The following EYA2 variants were observed in gnomAD, a reference collection of about 807,000 sequenced individuals.
EYA2 encodes the protein protein phosphatase EYA2.
EYA2 carries 31 observed loss-of-function variants against 69.2 expected under a neutral mutation model. The observed-to-expected ratio is 0.45, with a 90% confidence interval of 0.34 to 0.60. EYA2 has a LOEUF of 0.60. Among genes scored for constraint, EYA2 ranks in the 20% least tolerant of loss-of-function variants. EYA2 has a pLI of 0.02. For missense variants in EYA2, 622 were observed against 701.2 expected (o/e 0.89, Z 1.28); for synonymous variants, 257 against 279.4 (o/e 0.92, Z 0.80).
chr20:46,906,587 T>C (rs1034322915), intron 1 of EYA2, among the ~76,000 whole-genome samples: 3 of 152,336 alleles, frequency 2.0e-5, no homozygotes, highest in Admixed American at 6.5e-5. Context: ...TATGCCGGGA[T>C]ATGTTCCGAA....
chr20:46,951,636 C>T (rs1253265522), intron 1 of EYA2, among the ~76,000 whole-genome samples: 3 of 152,218 alleles, frequency 2.0e-5, no homozygotes, highest in East Asian at 1.9e-4. Context: ...AATAAAACCA[C>T]TCTCAGGCGT....
chr20:47,042,137 TC>T (rs1189839226), intron 5 of EYA2, among the ~76,000 whole-genome samples: 3 of 152,196 alleles, frequency 2.0e-5, no homozygotes, highest in African/African-American at 7.2e-5. Flanking sequence ...AATACTCAGT[TC>T]CAGGTGCTCC....
At chr20:46,964,578 G>T (rs1054049639) in intron 1 of EYA2, among the ~76,000 whole-genome samples, 5 of 152,198 alleles carry the variant, frequency 3.3e-5, no homozygotes, top group African/African-American at 4.8e-5. Context: ...TGTGACGCAG[G>T]TATCCCAGGC....
intron 1 of EYA2, among the ~76,000 whole-genome samples, chr20:46,987,008 C>A (rs1255829648): frequency 6.6e-6 from 1 of 152,114 alleles, no homozygotes. Context: ...GAGATAAGGG[C>A]TTTCTTATTT....
At chr20:47,065,686 G>A (rs1310978286) in intron 5 of EYA2, among the ~76,000 whole-genome samples, 1 of 152,058 alleles carries the variant, frequency 6.6e-6, no homozygotes, top group Admixed American at 6.6e-5. Context: ...TGCTCTGGAG[G>A]TTTAAATTTC....
intron 9 of EYA2, among the ~76,000 whole-genome samples, chr20:47,136,851 T>C (rs1289262080): frequency 6.6e-6 from 1 of 152,080 alleles, no homozygotes; most frequent in Non-Finnish European, 1.5e-5. Context: ...TCGAAACCTC[T>C]TCACCAGCCT....
chr20:47,139,272 A>G (rs1024848594), intron 9 of EYA2, among the ~76,000 whole-genome samples: 37 of 152,216 alleles, frequency 2.4e-4, no homozygotes, highest in Admixed American at 3.9e-4. Context: ...TTAAATTGTT[A>G]ATCCAAGAAA....
At chr20:47,009,389 C>A (rs1400177382) in intron 4 of EYA2, among the ~76,000 whole-genome samples, 1 of 152,150 alleles carries the variant, frequency 6.6e-6, no homozygotes, top group Non-Finnish European at 1.5e-5. Context: ...TGTTTAAATA[C>A]CTGCAGGAAA....
intron 7 of EYA2, among the ~76,000 whole-genome samples, chr20:47,084,223 G>C (rs2031818949): frequency 6.6e-6 from 1 of 151,020 alleles, no homozygotes; most frequent in Non-Finnish European, 1.5e-5. Context: ...TCCAGCCTGG[G>C]CGACAGAGTG....
At chr20:46,911,907 A>G (rs1230592958) in intron 1 of EYA2, among the ~76,000 whole-genome samples, 1 of 152,202 alleles carries the variant, frequency 6.6e-6, no homozygotes, top group African/African-American at 2.4e-5. Flanking sequence ...AATATGTTCT[A>G]TATCAAAATA....
intron 1 of EYA2, among the ~76,000 whole-genome samples, chr20:46,958,660 G>C (rs527925553): frequency 2.6e-5 from 4 of 152,236 alleles, no homozygotes; most frequent in African/African-American, 7.2e-5. Context: ...TAAAGTACCC[G>C]TTAGTTATTT....
chr20:46,969,222 T>C (rs552687410), intron 1 of EYA2, among the ~76,000 whole-genome samples: 84 of 151,702 alleles, frequency 5.5e-4, no homozygotes, highest in Non-Finnish European at 1.1e-3. Context: ...GTTTTTGGTT[T>C]TTTTTTTGTT....
chr20:46,898,874 A>G (rs1983950447), intron 1 of EYA2, among the ~76,000 whole-genome samples: 2 of 152,232 alleles, frequency 1.3e-5, no homozygotes, highest in South Asian at 4.1e-4. Context: ...AGGCTTATAC[A>G]TTCATTTTTA....
intron 9 of EYA2, among the ~76,000 whole-genome samples, chr20:47,120,605 G>A (rs896626235): frequency 3.3e-5 from 5 of 152,032 alleles, no homozygotes; most frequent in Admixed American, 6.6e-5. Flanking sequence ...GTGACACTGT[G>A]GAGTCTAAAG....
chr20:47,051,440 G>A (rs1185614613), intron 5 of EYA2, among the ~76,000 whole-genome samples: 1 of 152,184 alleles, frequency 6.6e-6, no homozygotes, highest in African/African-American at 2.4e-5. Context: ...GATTGGAAAT[G>A]GGAGAAAACT....
chr20:47,179,843 C>T lies in EYA2; in HGVS notation c.1244C>T (p.Ala415Val), dbSNP rs1345557654. ...AGGGAGACCTGGCTACAGCTCCGAGCTGAGCTGGAAGCTCTCACAGACCTC... is the reference window on the plus strand; with the variant it reads ...AGGGAGACCTGGCTACAGCTCCGAGTTGAGCTGGAAGCTCTCACAGACCTC... ...PKRETWLQLR[A>V]ELEALTDLWL... is the part of the protein sequence containing the mutation. The change falls in exon 13 of 16, where the codon GCT becomes GTT. Residue 415 changes from alanine to valine, a missense_variant. Ala to Val is a moderately conservative substitution (Grantham distance 64). Coordinates refer to ENST00000327619, the MANE Select transcript of EYA2 (RefSeq NM_005244.5). 1.2e-6 allele frequency: 2 copies of T among 1,614,118 alleles called. No homozygotes were observed. The highest frequency in any genetic ancestry group is 3.3e-5 in the Admixed American group (2 of 60,008).
intron 5 of EYA2, among the ~76,000 whole-genome samples, chr20:47,060,121 T>G (rs960266739): frequency 6.6e-6 from 1 of 152,150 alleles, no homozygotes; most frequent in Non-Finnish European, 1.5e-5. Flanking sequence ...GGGGCAGAGG[T>G]TGGCTGGAGC....
chr20:46,913,019 G>C (rs1369887314), intron 1 of EYA2, among the ~76,000 whole-genome samples: 1 of 152,208 alleles, frequency 6.6e-6, no homozygotes, highest in Non-Finnish European at 1.5e-5. Context: ...ATTTTAAATA[G>C]GGTGGCCACT....
At chr20:46,956,357 G>A (rs904231104) in intron 1 of EYA2, among the ~76,000 whole-genome samples, 4 of 152,228 alleles carry the variant, frequency 2.6e-5, no homozygotes, top group Non-Finnish European at 5.9e-5. Context: ...GTCAGCTGCT[G>A]TAACAAATAA....
Sources: allele counts gnomAD v4.1 joint callset (sites outside exome capture counted in the v4.1 genomes callset), GRCh38; gene constraint gnomAD v4.1.1; transcripts MANE v1.5; gene names NCBI Gene and HGNC (gene_info 2026-07-23, HGNC 2026-07-21).